The following MED13 variants were observed in gnomAD, a reference collection of about 807,000 sequenced individuals.
MED13 encodes the protein mediator complex subunit 13.
A neutral mutation model predicts 225.2 loss-of-function variants in MED13; 23 were observed. The ratio of observed to expected loss-of-function variants is 0.10; its 90% CI spans 0.07 to 0.14. MED13 has a LOEUF of 0.14. MED13 is among the 10% of genes least tolerant of loss of function. MED13 has a pLI of 1.00. For synonymous variants in MED13, 942 were observed against 889.2 expected (o/e 1.06, Z -1.06); for missense variants, 2,197 against 2,594.5 (o/e 0.85, Z 3.33).
At chr17:61,990,226 A>C (rs190911843) in intron 11 of MED13, among the ~76,000 whole-genome samples, 117 of 152,290 alleles carry the variant, frequency 7.7e-4, no homozygotes, top group Non-Finnish European at 1.1e-3. Flanking sequence ...CCACACGCAC[A>C]AAAAAGGTAT....
intron 28 of MED13, among the ~76,000 whole-genome samples, chr17:61,947,528 G>C (rs551734272): frequency 8.5e-5 from 13 of 152,146 alleles, no homozygotes; most frequent in Non-Finnish European, 1.6e-4. Context: ...CTGTCCTTAA[G>C]ATATATGACA....
chr17:62,010,643 T>G lies in MED13; in HGVS notation c.1874A>C (p.Asp625Ala). The change falls in exon 9 of 30, where the codon GAT becomes GCT. Residue 625 changes from aspartate (D) to alanine (A), a missense_variant. Asp to Ala is a moderately radical substitution (Grantham distance 126). Transcript: ENST00000397786. The part of the protein sequence containing the change: ...WKYYKFPKKK[D>A]VEFLPPQLPS... ...AAGTTGAGGTGGTAAAAACTCTACA[T>G]CTTTTTTCTTTGGGAACTTGTAATA... The G allele has an allele frequency of 6.7e-7, 1 of 1,500,072 alleles. No homozygotes were observed. Among genetic ancestry groups the G allele is most frequent in the African/African-American group, 1.4e-5 (1 of 71,574 alleles). The allele number at this position is 1,500,072 out of a possible 1,614,324, so 92.9% of individuals were successfully genotyped here.
rs202045581 is a variant in MED13 at position 61,984,356 on chromosome 17, A to G, written c.2703T>C (p.Tyr901=). The stretch of plus-strand genomic sequence containing the variant: ...TTTGACAATTTTCAGGCTTATAGAC[A>G]TAAGAAAAATCCTACAATATAAAGA... ...PKPSEIKDFS[Y]VYKPENCQIL... Residue 901 remains tyrosine, a synonymous_variant, in exon 15 of 30, where the codon TAT becomes TAC. Coordinates refer to ENST00000397786, the MANE Select transcript of MED13 (RefSeq NM_005121.3). 9.0e-5 allele frequency: 140 copies of G among 1,562,010 alleles called. No homozygotes were observed. The African/African-American group carries it at 1.8e-3, about 20-fold the overall frequency.
At chr17:62,031,789 T>C in intron 5 of MED13, 151 bp from the exon 6 acceptor site, 3 of 453,700 alleles carry the variant, frequency 6.6e-6, no homozygotes, top group Non-Finnish European at 1.1e-5. Flanking sequence ...GCATAAGTTT[T>C]TCTTTTCTTT....
At chr17:61,970,881 T>C (rs2080102464) in intron 17 of MED13, among the ~76,000 whole-genome samples, 2 of 151,634 alleles carry the variant, frequency 1.3e-5, no homozygotes. Flanking sequence ...AAAAATTAGC[T>C]GGGTGTGGTG....
intron 8 of MED13, among the ~76,000 whole-genome samples, chr17:62,015,915 C>CACACATATATATATATAT (rs1230248036): frequency 2.3e-4 from 2 of 8,608 alleles, no homozygotes; most frequent in South Asian, 6.6e-3. Context: ...ACACTATACA[C>CACACATATATATATATAT]ATATATATAT....
intron 17 of MED13, among the ~76,000 whole-genome samples, chr17:61,972,067 G>C (rs542911756): frequency 6.6e-6 from 1 of 152,188 alleles, no homozygotes; most frequent in East Asian, 1.9e-4. Flanking sequence ...GGAAAATATA[G>C]GCAAATCTAC....
rs556775862 is a variant in MED13, at chr17:62,024,703, T to C, written c.1283+4838A>G. On this transcript the variant is annotated intron_variant, in intron 8 of 29. Coordinates refer to ENST00000397786, the MANE Select transcript of MED13 (RefSeq NM_005121.3). ...TCCTCTCCCTCCTCCCAGCCTCCAC[T>C]GGACCCAGTGTCTGTTGTTCCCTTC... Among the ~76,000 whole-genome samples the C allele has an allele frequency of 5.9e-5, 9 of 152,238 alleles. 1 individual carries two copies. In the South Asian group the frequency reaches 1.7e-3, roughly 28 times the overall value.
intron 24 of MED13, 100 bp downstream of exon 24, chr17:61,956,239 C>T: frequency 1.7e-6 from 2 of 1,174,800 alleles, no homozygotes; most frequent in Non-Finnish European, 2.3e-6. Flanking sequence ...TATTTGATAA[C>T]CTTTGCATTT....
chr17:62,039,294 A>G (rs970556929), intron 3 of MED13, among the ~76,000 whole-genome samples: 2 of 152,128 alleles, frequency 1.3e-5, no homozygotes, highest in South Asian at 4.1e-4. Context: ...AATATTCTAA[A>G]TATGTGATAC....
At chr17:61,983,885 C>G (rs1460563234) in intron 15 of MED13, among the ~76,000 whole-genome samples, 1 of 151,932 alleles carries the variant, frequency 6.6e-6, no homozygotes, top group Non-Finnish European at 1.5e-5. Flanking sequence ...TGCGCCACCA[C>G]GCTTGGCTAA....
At chr17:62,048,274 T>C (rs926223030) in intron 3 of MED13, among the ~76,000 whole-genome samples, 3 of 149,274 alleles carry the variant, frequency 2.0e-5, no homozygotes, top group Non-Finnish European at 4.5e-5. Context: ...TCGTGGTGGC[T>C]AGTGTCTGTG....
At chr17:62,022,991 C>T (rs2080664150) in intron 8 of MED13, among the ~76,000 whole-genome samples, 1 of 151,714 alleles carries the variant, frequency 6.6e-6, no homozygotes, top group Non-Finnish European at 1.5e-5. Context: ...GCCTGGGCGA[C>T]ACAGCTAGTC....
intron 11 of MED13, among the ~76,000 whole-genome samples, chr17:61,990,627 G>GTATATATATATATATATATA (rs5821345): frequency 3.6e-5 from 5 of 139,008 alleles, no homozygotes; most frequent in African/African-American, 8.2e-5. Flanking sequence ...GGCGCACTGT[G>GTATATATATATATATATATA]TATATATATA....
chr17:62,063,551 G>A (rs921116225), intron 1 of MED13, among the ~76,000 whole-genome samples: 2 of 152,134 alleles, frequency 1.3e-5, no homozygotes, highest in South Asian at 2.1e-4. Flanking sequence ...AGTAGAAACA[G>A]AAGAAACTGA....
At chr17:61,993,717 G>A (rs1359025756) in intron 10 of MED13, among the ~76,000 whole-genome samples, 3 of 151,696 alleles carry the variant, frequency 2.0e-5, no homozygotes, top group African/African-American at 7.2e-5. Context: ...ATCACTTGAG[G>A]TCAGCAGTTC....
At chr17:62,064,896 G>T (rs974441102) in intron 1 of MED13, among the ~76,000 whole-genome samples, 1 of 152,200 alleles carries the variant, frequency 6.6e-6, no homozygotes, top group Non-Finnish European at 1.5e-5. Flanking sequence ...ACGAGACTAC[G>T]GTGAGAAGGA....
chr17:61,962,711 T>C lies in MED13; in HGVS notation c.5064+41A>G, dbSNP rs780123023. On this transcript the variant is annotated intron_variant, in intron 21 of 29. Transcript: ENST00000397786. ...TCTGAAACTTCTGACAACATTAAAC[T>C]GTTTTACATAATTTTAACTCACAAC... The C allele has an allele frequency of 5.8e-6, 9 of 1,557,772 alleles. No homozygotes were observed. In the East Asian group the frequency reaches 1.3e-4, roughly 23 times the overall value.
At position 61,946,311 on chromosome 17, in the gene MED13, T is replaced by C. The variant is rs1329955607; in HGVS notation, c.*157A>G. On this transcript the variant is annotated 3_prime_UTR_variant, in exon 30 of 30. Transcript: ENST00000397786. ...GAGTCAATGAAAAATAGCAGGGTTATAGCCCCTCCCCCCAAGTCAAAACAA... is the reference window on the plus strand; with the variant it reads ...GAGTCAATGAAAAATAGCAGGGTTACAGCCCCTCCCCCCAAGTCAAAACAA... 13 of 811,290 alleles carry C rather than the reference T, an allele frequency of 1.6e-5. No homozygotes were observed. Among genetic ancestry groups the C allele is most frequent in the African/African-American group, 1.0e-4 (6 of 57,602 alleles). The allele number at this position is 811,290 out of a possible 1,614,324, so 50.3% of individuals were successfully genotyped here.
Sources: allele counts gnomAD v4.1 joint callset (sites outside exome capture counted in the v4.1 genomes callset), GRCh38; gene constraint gnomAD v4.1.1; transcripts MANE v1.5; gene names NCBI Gene and HGNC (gene_info 2026-07-23, HGNC 2026-07-21).